PLCG2: variants seen among roughly 807,000 people sequenced by gnomAD.
PLCG2 encodes 1-phosphatidylinositol 4,5-bisphosphate phosphodiesterase gamma-2.
A neutral mutation model predicts 175.6 loss-of-function variants in PLCG2; 69 were observed. That is an observed-to-expected ratio of 0.39 (90% confidence interval 0.32 to 0.48). The LOEUF (loss-of-function observed/expected upper bound fraction) is 0.48, where lower values mean the gene tolerates loss of function less well. Among genes scored for constraint, PLCG2 ranks in the 20% least tolerant of loss-of-function variants. The pLI, the probability that PLCG2 is intolerant of heterozygous loss-of-function variation, is 0.91. For synonymous variants in PLCG2, 827 were observed against 624.0 expected, an observed-to-expected ratio of 1.33 and a Z score of -4.85; for missense variants, 1,798 against 1,650.9, an observed-to-expected ratio of 1.09 and a Z score of -1.54.
chr16:81,743,731 T>C (rs8057441), intron 1 of PLCG2, among the ~76,000 whole-genome samples: 47,537 of 152,108 alleles, frequency 0.31, 8,576 homozygotes, highest in East Asian at 0.67. Context: ...GTGAGGCCCA[T>C]CCCAAGGGAG....
In PLCG2 at chr16:81,961,840, A is replaced by G. The variant is rs1047774356; in HGVS notation, c.*3842A>G. ...AGCTATTTATAATGAGAAATTTTAG[A>G]TGTCAATATAGCAATGTGCAAGAAG... On this transcript the variant is annotated 3_prime_UTR_variant, in exon 33 of 33. Coordinates refer to ENST00000564138, the MANE Select transcript of PLCG2 (RefSeq NM_002661.5). 1 of 202,288 alleles carries G rather than the reference A, an allele frequency of 4.9e-6. No homozygotes were observed. Among genetic ancestry groups the G allele is most frequent in the Non-Finnish European group, 1.0e-5 (1 of 98,564 alleles). The allele number at this position is 202,288 out of a possible 1,614,324, so 12.5% of individuals were successfully genotyped here.
At chr16:81,769,543 G>C (rs996279556) in intron 2 of PLCG2, among the ~76,000 whole-genome samples, 1 of 152,038 alleles carries the variant, frequency 6.6e-6, no homozygotes, top group Admixed American at 6.6e-5. Context: ...GGCCGGGCGC[G>C]GTGGCTCACG....
intron 1 of PLCG2, chr16:81,740,517 G>C (rs920814227): frequency 3.3e-5 from 5 of 152,108 alleles, no homozygotes; most frequent in Non-Finnish European, 7.3e-5. Flanking sequence ...CAAGCAGGCA[G>C]ATCGCCTGAA....
chr16:81,887,104 G>A (rs573358028), intron 9 of PLCG2, among the ~76,000 whole-genome samples: 10 of 151,920 alleles, frequency 6.6e-5, no homozygotes, highest in Admixed American at 6.6e-5. Context: ...GGGACATCTT[G>A]GCCAGGCAAA....
chr16:81,911,402 G>C (rs1909615245), intron 18 of PLCG2, among the ~76,000 whole-genome samples: 1 of 152,118 alleles, frequency 6.6e-6, no homozygotes, highest in Non-Finnish European at 1.5e-5. Context: ...CTCCCTGGGA[G>C]CCTGGCTTTT....
intron 2 of PLCG2, among the ~76,000 whole-genome samples, chr16:81,819,708 C>T (rs1367641746): frequency 6.6e-6 from 1 of 152,228 alleles, no homozygotes; most frequent in African/African-American, 2.4e-5. Context: ...CCTCAGCCTC[C>T]TGAGCAGCTG....
chr16:81,852,250 A>C (rs1199112718), intron 2 of PLCG2: 1 of 152,290 alleles, frequency 6.6e-6, no homozygotes, highest in East Asian at 1.9e-4. Flanking sequence ...AGTCCTGGCC[A>C]AATAAGTCCC....
intron 2 of PLCG2, among the ~76,000 whole-genome samples, chr16:81,801,723 C>T (rs1243426156): frequency 6.6e-6 from 1 of 151,952 alleles, no homozygotes; most frequent in African/African-American, 2.4e-5. Flanking sequence ...CTTTGTCACC[C>T]AGGCTGGAGT....
chr16:81,913,990 C>G (rs1394360146), intron 19 of PLCG2, among the ~76,000 whole-genome samples: 1 of 152,206 alleles, frequency 6.6e-6, no homozygotes, highest in Admixed American at 6.5e-5. Context: ...ACTCTCTGTT[C>G]CCAAGAGGGT....
intron 31 of PLCG2, among the ~76,000 whole-genome samples, chr16:81,952,172 T>C (rs1911392418): frequency 6.6e-6 from 1 of 152,078 alleles, no homozygotes; most frequent in Non-Finnish European, 1.5e-5. Flanking sequence ...CAAAACACCA[T>C]GTGAACAAGT....
At chr16:81,776,087 C>CTTTCTT (rs1484803060), upstream of PLCG2, among the ~76,000 whole-genome samples, 2 of 66,920 alleles carry the variant, frequency 3.0e-5, no homozygotes, top group African/African-American at 1.1e-4. Context: ...CTCTCTCTCT[C>CTTTCTT]TCTTTCTTTC....
intron 1 of PLCG2, among the ~76,000 whole-genome samples, chr16:81,743,462 C>T (rs1054549850): frequency 6.6e-6 from 1 of 152,254 alleles, no homozygotes; most frequent in African/African-American, 2.4e-5. Context: ...GTAGAGCGAC[C>T]TGCGTGGTCA....
chr16:81,889,624 G>C (rs564397043), intron 10 of PLCG2, among the ~76,000 whole-genome samples: 8 of 151,836 alleles, frequency 5.3e-5, no homozygotes, highest in African/African-American at 1.9e-4. Context: ...TCAGAGGCTG[G>C]AGTTTCGTTT....
At chr16:81,804,825 C>G (rs1268169508) in intron 2 of PLCG2, among the ~76,000 whole-genome samples, 2 of 152,194 alleles carry the variant, frequency 1.3e-5, no homozygotes, top group South Asian at 2.1e-4. Flanking sequence ...TTGGGAAGTG[C>G]TGCTGGCACC....
intron 15 of PLCG2, among the ~76,000 whole-genome samples, chr16:81,906,604 A>T (rs531411435): frequency 6.6e-6 from 1 of 152,122 alleles, no homozygotes; most frequent in South Asian, 2.1e-4. Context: ...TTGTAGCCTT[A>T]GTAGAGATAG....
chr16:81,821,186 G>C lies in PLCG2; in HGVS notation c.194-33258G>C, dbSNP rs573191879. On this transcript the variant is annotated intron_variant, in intron 2 of 32. Coordinates refer to ENST00000564138, the MANE Select transcript of PLCG2 (RefSeq NM_002661.5). ...GGATTACAGGCGTGCGTGAGCCGCC[G>C]TGCCTGGCCACATTACCCGCTTTAT... Among the ~76,000 whole-genome samples the C allele has an allele frequency of 8.5e-5, 13 of 152,338 alleles. No individual in the cohort carries two copies. In the East Asian group the frequency reaches 2.5e-3, roughly 29 times the overall value.
At chr16:81,957,679 C>T (rs536813410) in intron 32 of PLCG2, among the ~76,000 whole-genome samples, 3 of 152,126 alleles carry the variant, frequency 2.0e-5, no homozygotes, top group South Asian at 2.1e-4. Flanking sequence ...TAGCCACCAA[C>T]GAGAAACTGT....
rs944958134 is a variant in PLCG2, at chr16:81,961,445, G to C, written c.*3447G>C. 4.4e-6 allele frequency: 1 copy of C among 225,680 alleles called. No individual in the cohort carries two copies. Among genetic ancestry groups the C allele is most frequent in the Non-Finnish European group, 8.8e-6 (1 of 113,436 alleles). 14.0% of individuals were successfully genotyped at this position (225,680 alleles called of 1,614,324 possible). A position where few individuals can be genotyped will look rare whatever the true frequency, so the allele number is the denominator to read the frequency against. On this transcript the variant is annotated 3_prime_UTR_variant, in exon 33 of 33. Transcript: ENST00000564138. ...TTTGGGCTATGTGTTTATTGATTCA[G>C]CTCAATCCAGAGGAAAATTTTAAAG...
Position 81,773,998 on chromosome 16 carries a change from T to C in PLCG2, c.-47-11945T>C, listed in dbSNP as rs574648536. ...ACTCCGCAAATGTTTGTTGAATGAA[T>C]AAATGAGCTCCACCAGGACTCCAGG... is the stretch of plus-strand genomic sequence containing the variant. On this transcript the variant is annotated intron_variant, in intron 2 of 5. Coordinates refer to the PLCG2 transcript ENST00000565054. 4.6e-5 allele frequency among the ~76,000 whole-genome samples: 7 copies of C among 151,686 alleles called. No individual in the cohort carries two copies. In the South Asian group the frequency reaches 1.5e-3, roughly 32 times the overall value.
Sources: gnomAD v4.1 joint callset for allele counts (sites outside exome capture counted in the v4.1 genomes callset) on GRCh38, gnomAD v4.1.1 for gene constraint, MANE v1.5 for transcripts, NCBI Gene and HGNC (gene_info 2026-07-23, HGNC 2026-07-21) for gene names.